ADAMTSL1: variants seen among roughly 807,000 people sequenced by gnomAD.
The protein encoded by ADAMTSL1 is ADAMTS like 1.
ADAMTSL1 carries 126 observed loss-of-function variants against 201.8 expected under a neutral mutation model. The ratio of observed to expected loss-of-function variants is 0.62; its 90% CI spans 0.54 to 0.72. The LOEUF is 0.72. ADAMTSL1 is among the 30% of genes least tolerant of loss of function. ADAMTSL1 has a pLI of 0.00. For synonymous variants in ADAMTSL1, 1,121 were observed against 903.4 expected, an observed-to-expected ratio of 1.24 and a Z score of -4.32; for missense variants, 2,679 against 2,277.8, an observed-to-expected ratio of 1.18 and a Z score of -3.59.
intron 2 of ADAMTSL1, among the ~76,000 whole-genome samples, chr9:18,351,539 G>C (rs1481915439): frequency 2.6e-5 from 4 of 152,058 alleles, no homozygotes; most frequent in African/African-American, 9.7e-5. Flanking sequence ...AGGGTCGAGA[G>C]AGTGTTGGCA....
At chr9:18,394,223 T>C (rs1817654578) in intron 2 of ADAMTSL1, among the ~76,000 whole-genome samples, 3 of 152,098 alleles carry the variant, frequency 2.0e-5, no homozygotes. Context: ...CCAATAAAAA[T>C]TAGCGGGGGA....
intron 26 of ADAMTSL1, chr9:18,905,423 G>A (rs1271367220): frequency 4.5e-6 from 1 of 219,796 alleles, no homozygotes; most frequent in African/African-American, 2.3e-5. Flanking sequence ...CTGCACCGAA[G>A]GGGTGGAGCT....
chr9:18,254,644 TG>T (rs956565902), intron 2 of ADAMTSL1, among the ~76,000 whole-genome samples: 23 of 151,084 alleles, frequency 1.5e-4, no homozygotes, highest in South Asian at 4.2e-4. Context: ...ATTACAGGCG[TG>T]AGCCACCGCG....
rs1828783394 is a variant in ADAMTSL1 at position 18,657,678 on chromosome 9, ATCT to A, written c.878_880del (p.Phe293del). The A allele has an allele frequency of 1.2e-6, 2 of 1,614,090 alleles. No individual in the cohort carries two copies. The highest frequency in any genetic ancestry group is 1.3e-5 in the African/African-American group (1 of 74,940). ...CTCCGCTGACAGTACAGTCCAGTTC[ATCT>A]TCTATCAACCCATCATCCACCGATG... On this transcript the variant is annotated inframe_deletion, in exon 8 of 29. Transcript: ENST00000380548.
At chr9:18,661,047 ATT>A (rs1181024586) in intron 8 of ADAMTSL1, among the ~76,000 whole-genome samples, 4 of 152,162 alleles carry the variant, frequency 2.6e-5, no homozygotes, top group Non-Finnish European at 5.9e-5. Context: ...AAAAGGCCTA[ATT>A]TTTTAAAATT....
At chr9:18,584,546 C>G (rs1459093513) in intron 4 of ADAMTSL1, among the ~76,000 whole-genome samples, 1 of 152,202 alleles carries the variant, frequency 6.6e-6, no homozygotes, top group Non-Finnish European at 1.5e-5. Flanking sequence ...TATAACAGGA[C>G]TCATCTTTCT....
intron 2 of ADAMTSL1, among the ~76,000 whole-genome samples, chr9:18,423,980 G>A (rs1819080823): frequency 6.6e-6 from 1 of 152,212 alleles, no homozygotes; most frequent in African/African-American, 2.4e-5. Context: ...GTCTTGGTAT[G>A]TTAATAATGC....
At chr9:18,720,871 C>T (rs1833307153) in intron 14 of ADAMTSL1, among the ~76,000 whole-genome samples, 1 of 152,226 alleles carries the variant, frequency 6.6e-6, no homozygotes, top group Admixed American at 6.5e-5. Context: ...CCAGTCACTG[C>T]TCAAACTCCT....
At chr9:18,452,820 G>A (rs1032506266) in intron 2 of ADAMTSL1, among the ~76,000 whole-genome samples, 14 of 152,216 alleles carry the variant, frequency 9.2e-5, no homozygotes, top group African/African-American at 4.8e-5. Flanking sequence ...AAGGCCTCAC[G>A]CAGCCTCATT....
At chr9:17,959,186 CTA>C (rs1221996638) in intron 1 of ADAMTSL1, among the ~76,000 whole-genome samples, 4 of 152,116 alleles carry the variant, frequency 2.6e-5, no homozygotes, top group African/African-American at 9.7e-5. Flanking sequence ...AGACGGCAAA[CTA>C]AAAGTTAAAT....
At chr9:18,546,369 G>T (rs929497373) in intron 3 of ADAMTSL1, among the ~76,000 whole-genome samples, 1 of 151,932 alleles carries the variant, frequency 6.6e-6, no homozygotes, top group Non-Finnish European at 1.5e-5. Context: ...TGGGGTGCAC[G>T]GGTACAATCA....
intron 15 of ADAMTSL1, among the ~76,000 whole-genome samples, chr9:18,743,160 A>C (rs951401810): frequency 1.3e-5 from 2 of 152,208 alleles, no homozygotes; most frequent in Non-Finnish European, 2.9e-5. Flanking sequence ...CAGAACTTAG[A>C]AGTTTTAATT....
At position 18,335,398 on chromosome 9, in the gene ADAMTSL1, A is replaced by G. The variant is rs558147779; in HGVS notation, c.208-169431A>G. On this transcript the variant is annotated intron_variant, in intron 2 of 29. Coordinates refer to the ADAMTSL1 transcript ENST00000680146. ...GCTGGTTTTGAACTCCTGGTTCTAT[A>G]TTTACCAACAACCAACCTACTGACC... is the stretch of plus-strand genomic sequence containing the variant. Among the ~76,000 whole-genome samples the G allele has an allele frequency of 3.9e-5, 6 of 151,994 alleles. No homozygotes were observed. The East Asian group carries it at 7.7e-4, about 20-fold the overall frequency.
intron 7 of ADAMTSL1, among the ~76,000 whole-genome samples, chr9:18,646,297 A>G (rs1564114732): frequency 2.0e-5 from 3 of 152,102 alleles, no homozygotes; most frequent in Non-Finnish European, 4.4e-5. Flanking sequence ...GGGCTGAGAC[A>G]ATGGGGTTTT....
chr9:18,472,807 G>A (rs1170491729), upstream of ADAMTSL1, among the ~76,000 whole-genome samples: 1 of 152,208 alleles, frequency 6.6e-6, no homozygotes, highest in Non-Finnish European at 1.5e-5. Flanking sequence ...GATCTGAAAA[G>A]GGAAAACGTC....
intron 1 of ADAMTSL1, among the ~76,000 whole-genome samples, chr9:17,932,614 G>T (rs982143829): frequency 8.5e-5 from 13 of 152,140 alleles, no homozygotes; most frequent in African/African-American, 3.1e-4. Flanking sequence ...CTTTGGAAAA[G>T]ATGACAGGAA....
intron 15 of ADAMTSL1, among the ~76,000 whole-genome samples, chr9:18,729,766 T>C (rs1818106704): frequency 6.6e-6 from 1 of 152,176 alleles, no homozygotes; most frequent in Non-Finnish European, 1.5e-5. Context: ...GGTCACTCTA[T>C]TTTCTAAATC....
At chr9:18,362,576 G>T (rs1422815562) in intron 2 of ADAMTSL1, among the ~76,000 whole-genome samples, 1 of 152,188 alleles carries the variant, frequency 6.6e-6, no homozygotes, top group Non-Finnish European at 1.5e-5. Context: ...CTCTGCATAA[G>T]ATGAAATGTA....
chr9:18,163,659 G>A (rs1827503841), intron 1 of ADAMTSL1, among the ~76,000 whole-genome samples: 1 of 151,988 alleles, frequency 6.6e-6, no homozygotes, highest in Non-Finnish European at 1.5e-5. Flanking sequence ...CAATTTAGCA[G>A]GGGATGTTCC....
Sources: allele counts gnomAD v4.1 joint callset (sites outside exome capture counted in the v4.1 genomes callset), GRCh38; gene constraint gnomAD v4.1.1; transcripts MANE v1.5; gene names NCBI Gene and HGNC (gene_info 2026-07-23, HGNC 2026-07-21).